Variants in ZBTB40 observed in about 807,000 individuals in gnomAD.
The protein encoded by ZBTB40 is zinc finger and BTB domain-containing protein 40.
A neutral mutation model predicts 117.5 loss-of-function variants in ZBTB40; 60 were observed. That is an observed-to-expected ratio of 0.51 (90% CI 0.41 to 0.63). The LOEUF (loss-of-function observed/expected upper bound fraction) is 0.63. Ranked by LOEUF, ZBTB40 falls within the 30% of genes least tolerant of loss-of-function variation. ZBTB40 has a pLI of 0.00. For missense variants in ZBTB40, 1,287 were observed against 1,498.5 expected, an observed-to-expected ratio of 0.86 and a Z score of 2.33; for synonymous variants, 525 against 577.1, an observed-to-expected ratio of 0.91 and a Z score of 1.29.
At chr1:22,505,753 A>G (rs1369825621) in intron 5 of ZBTB40, among the ~76,000 whole-genome samples, 1 of 152,192 alleles carries the variant, frequency 6.6e-6, no homozygotes, top group Non-Finnish European at 1.5e-5. Flanking sequence ...GCTGTATCAT[A>G]TAGGCCTAGT....
chr1:22,476,902 A>C (rs779154818), intron 1 of ZBTB40, among the ~76,000 whole-genome samples: 9 of 152,200 alleles, frequency 5.9e-5, no homozygotes, highest in Non-Finnish European at 1.2e-4. Context: ...TCGAGATTCC[A>C]ACATGCAGTG....
intron 1 of ZBTB40, among the ~76,000 whole-genome samples, chr1:22,471,306 C>A (rs536936607): frequency 6.6e-6 from 1 of 152,324 alleles, no homozygotes; most frequent in South Asian, 2.1e-4. Context: ...CCTGCCAGGC[C>A]ACCCAGCAGT....
In ZBTB40 at chr1:22,509,170, A is replaced by G; in HGVS notation, c.1770A>G (p.Gln590=). 5 of 1,614,126 alleles carry G rather than the reference A, an allele frequency of 3.1e-6. No individual in the cohort carries two copies. The highest frequency in any genetic ancestry group is 4.2e-6 in the Non-Finnish European group (5 of 1,180,012). The change falls in exon 9 of 18, where the codon CAA becomes CAG. Residue 590 remains glutamine (Q), a synonymous_variant. Coordinates refer to ENST00000375647, the MANE Select transcript of ZBTB40 (RefSeq NM_014870.4). ...RHNQLILEAI[Q]QKIEYKLFTS... Reference sequence around the variant, plus strand: ...ACCAGTTGATCTTGGAGGCCATCCAACAGAAGATTGAGTACAAGCTCTTTA... The same window carrying G: ...ACCAGTTGATCTTGGAGGCCATCCAGCAGAAGATTGAGTACAAGCTCTTTA...
At chr1:22,509,768 C>A (rs1340678891) in intron 9 of ZBTB40, among the ~76,000 whole-genome samples, 1 of 152,168 alleles carries the variant, frequency 6.6e-6, no homozygotes, top group Non-Finnish European at 1.5e-5. Flanking sequence ...GTTCTCAGGC[C>A]CCAAAGGGTT....
intron 1 of ZBTB40, among the ~76,000 whole-genome samples, chr1:22,433,452 A>AAAAAAAAAAAAAAAAAAAAAAAAAAAT (rs1640627354): frequency 7.0e-6 from 1 of 141,970 alleles, no homozygotes; most frequent in Non-Finnish European, 1.5e-5. Context: ...AAAAAAAAAA[A>AAAAAAAAAAAAAAAAAAAAAAAAAAAT]AAAAAGACAG....
intron 1 of ZBTB40, among the ~76,000 whole-genome samples, chr1:22,458,108 C>G (rs1447068172): frequency 6.6e-6 from 1 of 152,238 alleles, no homozygotes; most frequent in Non-Finnish European, 1.5e-5. Flanking sequence ...TCTACCCTTT[C>G]TCTTCCTTTG....
rs112699705 is a variant in ZBTB40, at chr1:22,431,384, G to A, written c.-70+2370G>A. On this transcript the variant is annotated intron_variant, in intron 1 of 8. Transcript: ENST00000650433. The stretch of plus-strand genomic sequence containing the variant: ...ATTTTGTGTGTGTGTGTGTGTGTGT[G>A]TATATATATATATATATATATATAT... Among the ~76,000 whole-genome samples the A allele has an allele frequency of 7.0e-3, 841 of 119,552 alleles. 21 individuals carry two copies. The highest frequency in any genetic ancestry group is 0.026 in the African/African-American group (685 of 26,842). 78.4% of individuals were successfully genotyped at this position (119,552 alleles called of 152,430 possible).
chr1:22,468,404 CTT>C (rs1348006866), intron 1 of ZBTB40, among the ~76,000 whole-genome samples: 3 of 128,900 alleles, frequency 2.3e-5, no homozygotes, highest in African/African-American at 8.5e-5. Context: ...AGTTTATTGA[CTT>C]TTAATTTTTT....
chr1:22,500,341 A>C (rs1030022702), intron 3 of ZBTB40, among the ~76,000 whole-genome samples: 28 of 152,206 alleles, frequency 1.8e-4, no homozygotes, highest in African/African-American at 6.8e-4. Context: ...AGGTGTGTCC[A>C]GCAGAATCTG....
In ZBTB40 at chr1:22,526,691, G is replaced by C. The variant is rs915634458; in HGVS notation, c.*295G>C. ...CATCCCCAAGTGACATGTGGCTTCA[G>C]AAGTAGAGTCTGAAAGAGCAGTGGG... On this transcript the variant is annotated 3_prime_UTR_variant, in exon 18 of 18. Coordinates refer to ENST00000375647, the MANE Select transcript of ZBTB40 (RefSeq NM_014870.4). 2 of 405,514 alleles carry C rather than the reference G, an allele frequency of 4.9e-6. No individual in the cohort carries two copies. The highest frequency in any genetic ancestry group is 7.2e-5 in the Admixed American group (2 of 27,836). 25.1% of individuals were successfully genotyped at this position (405,514 alleles called of 1,614,324 possible). A position where few individuals can be genotyped will look rare whatever the true frequency, so the allele number is the denominator to read the frequency against.
intron 1 of ZBTB40, among the ~76,000 whole-genome samples, chr1:22,436,752 T>G (rs1398236821): frequency 6.6e-6 from 1 of 152,172 alleles, no homozygotes; most frequent in Non-Finnish European, 1.5e-5. Flanking sequence ...CTACATATTA[T>G]ATAATTTCGC....
At chr1:22,477,526 G>A (rs2124413201) in intron 1 of ZBTB40, among the ~76,000 whole-genome samples, 1 of 152,156 alleles carries the variant, frequency 6.6e-6, no homozygotes, top group Admixed American at 6.5e-5. Context: ...GCACGCGCCT[G>A]TAGTCCCAGC....
At chr1:22,465,627 G>T (rs1055413735) in intron 1 of ZBTB40, among the ~76,000 whole-genome samples, 6 of 152,316 alleles carry the variant, frequency 3.9e-5, no homozygotes, top group African/African-American at 1.4e-4. Context: ...CTTTGCTCCA[G>T]ATTGAGATCG....
chr1:22,491,561 T>C, intron 3 of ZBTB40, 28 bp downstream of exon 3: 3 of 1,613,278 alleles, frequency 1.9e-6, no homozygotes, highest in Non-Finnish European at 2.5e-6. Flanking sequence ...TTGTACTTGT[T>C]TGCTAGTTTA....
chr1:22,473,957 G>C (rs1397454024), intron 1 of ZBTB40, among the ~76,000 whole-genome samples: 1 of 152,120 alleles, frequency 6.6e-6, no homozygotes, highest in Non-Finnish European at 1.5e-5. Context: ...TGTAAAACGA[G>C]GATAAGTGGG....
intron 1 of ZBTB40, among the ~76,000 whole-genome samples, chr1:22,462,406 A>G (rs116729455): frequency 4.0e-4 from 61 of 152,352 alleles, no homozygotes; most frequent in African/African-American, 1.4e-3. Context: ...AAATTATTTA[A>G]GGCCACCAAT....
At chr1:22,523,823 C>G (rs1388915772) in intron 16 of ZBTB40, among the ~76,000 whole-genome samples, 3 of 152,166 alleles carry the variant, frequency 2.0e-5, no homozygotes, top group Non-Finnish European at 2.9e-5. Context: ...CCTTAGCCCA[C>G]AGAAGTCATA....
At chr1:22,525,588 C>CT (rs1277865892) in intron 17 of ZBTB40, among the ~76,000 whole-genome samples, 1 of 152,236 alleles carries the variant, frequency 6.6e-6, no homozygotes, top group African/African-American at 2.4e-5. Context: ...AAGGTGGTCT[C>CT]TAACAGATTA....
chr1:22,452,374 T>A (rs900767432), intron 1 of ZBTB40, among the ~76,000 whole-genome samples: 1 of 152,262 alleles, frequency 6.6e-6, no homozygotes, highest in African/African-American at 2.4e-5. Flanking sequence ...GTCAGCGGAC[T>A]ATGGCCTTGG....
Sources: gnomAD v4.1 joint callset for allele counts (sites outside exome capture counted in the v4.1 genomes callset) on GRCh38, gnomAD v4.1.1 for gene constraint, MANE v1.5 for transcripts, NCBI Gene and HGNC (gene_info 2026-07-23, HGNC 2026-07-21) for gene names.